The following MOB3B variants were observed in gnomAD, a reference collection of about 807,000 sequenced individuals.
MOB3B encodes MOB kinase activator-like 2B.
A neutral mutation model predicts 18.7 loss-of-function variants in MOB3B; 7 were observed. That is an observed-to-expected ratio of 0.37 (90% confidence interval 0.21 to 0.70). The LOEUF is 0.70. Ranked by LOEUF, MOB3B falls within the 30% of genes least tolerant of loss-of-function variation. MOB3B has a pLI of 0.52. For missense variants in MOB3B, 253 were observed against 281.3 expected (o/e 0.90, Z 0.72); for synonymous variants, 111 against 99.9 (o/e 1.11, Z -0.66).
intron 3 of MOB3B, among the ~76,000 whole-genome samples, chr9:27,357,730 G>T (rs1337517658): frequency 6.6e-6 from 1 of 151,522 alleles, no homozygotes; most frequent in East Asian, 1.9e-4. Context: ...ACAATCATCT[G>T]ATCTGTTAGC....
chr9:27,375,210 T>C (rs369374782), intron 2 of MOB3B, among the ~76,000 whole-genome samples: 1 of 152,258 alleles, frequency 6.6e-6, no homozygotes, highest in South Asian at 2.1e-4. Context: ...TGTCTTTGAG[T>C]ACCTCATACT....
chr9:27,330,299 G>A lies in MOB3B; in HGVS notation c.*288C>T. On this transcript the variant is annotated 3_prime_UTR_variant, in exon 4 of 4. Transcript: ENST00000262244. ...TCACAGGCAGAACTGTGCCATGTGTGGAAGTGCAGAGGCTTCCTCGTGGAC... is the reference window on the plus strand; with the variant it reads ...TCACAGGCAGAACTGTGCCATGTGTAGAAGTGCAGAGGCTTCCTCGTGGAC... 3.0e-6 allele frequency: 1 copy of A among 336,570 alleles called. No homozygotes were observed. The highest frequency in any genetic ancestry group is 5.4e-6 in the Non-Finnish European group (1 of 184,692). The allele number at this position is 336,570 out of a possible 1,614,324, so 20.8% of individuals were successfully genotyped here.
intron 2 of MOB3B, among the ~76,000 whole-genome samples, chr9:27,441,178 G>A (rs1240169990): frequency 6.6e-6 from 1 of 152,100 alleles, no homozygotes; most frequent in Non-Finnish European, 1.5e-5. Context: ...CTTTTCTACC[G>A]TAACTAAGCA....
intron 2 of MOB3B, among the ~76,000 whole-genome samples, chr9:27,388,096 G>A (rs1426351936): frequency 6.6e-6 from 1 of 152,196 alleles, no homozygotes; most frequent in Non-Finnish European, 1.5e-5. Flanking sequence ...GAATTATCCA[G>A]CTCAAACATC....
rs10967902 is a variant in MOB3B at position 27,342,756 on chromosome 9, G to A, written c.622-12140C>T. Among the ~76,000 whole-genome samples the A allele has an allele frequency of 2.5e-3, 379 of 151,962 alleles. 4 individuals are homozygous for A. Among genetic ancestry groups the A allele is most frequent in the East Asian group, 0.011 (54 of 4,892 alleles). ...GTGCCGGGATTGCAGATGGAGTCTC[G>A]CTCACTCAGTGCTCAATGTTGCCCA... is the stretch of plus-strand genomic sequence containing the variant. On this transcript the variant is annotated intron_variant, in intron 3 of 3. Coordinates refer to ENST00000262244, the MANE Select transcript of MOB3B (RefSeq NM_024761.5).
At chr9:27,517,259 G>A (rs2131504560) in intron 1 of MOB3B, among the ~76,000 whole-genome samples, 1 of 152,234 alleles carries the variant, frequency 6.6e-6, no homozygotes. Context: ...TGTATTCTTG[G>A]AATTTGGCAT....
At chr9:27,459,421 A>G (rs1166611365) in intron 1 of MOB3B, among the ~76,000 whole-genome samples, 1 of 152,212 alleles carries the variant, frequency 6.6e-6, no homozygotes, top group Non-Finnish European at 1.5e-5. Flanking sequence ...TTAGAAATGT[A>G]GACTCTCAGG....
intron 2 of MOB3B, among the ~76,000 whole-genome samples, chr9:27,393,124 T>A (rs937939405): frequency 3.9e-5 from 6 of 152,124 alleles, no homozygotes; most frequent in African/African-American, 1.2e-4. Context: ...TTACTGACTA[T>A]CTGAAATAGC....
chr9:27,449,954 G>A (rs1244048104), intron 2 of MOB3B, among the ~76,000 whole-genome samples: 1 of 150,748 alleles, frequency 6.6e-6, no homozygotes, highest in Non-Finnish European at 1.5e-5. Flanking sequence ...CTCCAGCCTG[G>A]GCAACAGAGC....
intron 2 of MOB3B, among the ~76,000 whole-genome samples, chr9:27,362,751 G>C (rs1378616170): frequency 6.6e-6 from 1 of 152,214 alleles, no homozygotes; most frequent in East Asian, 1.9e-4. Context: ...CCAGCTCACA[G>C]AGAGTGGGAA....
rs1274282081 is a variant in MOB3B, at chr9:27,529,698, G to A, written c.-342C>T. 3.9e-5 allele frequency: 38 copies of A among 985,418 alleles called. No homozygotes were observed. Among genetic ancestry groups the A allele is most frequent in the Non-Finnish European group, 1.1e-5 (9 of 829,928 alleles). The allele number at this position is 985,418 out of a possible 1,614,324, so 61.0% of individuals were successfully genotyped here. Reference sequence around the variant, plus strand: ...AAGGGACTCTGCCGCCGGTGCGCGAGGTCCCGGCGAGCCAACCGGCGGACG... The same window carrying A: ...AAGGGACTCTGCCGCCGGTGCGCGAAGTCCCGGCGAGCCAACCGGCGGACG... On this transcript the variant is annotated 5_prime_UTR_variant, in exon 1 of 4. Transcript: ENST00000262244.
At chr9:27,384,502 A>G (rs1821623919) in intron 2 of MOB3B, among the ~76,000 whole-genome samples, 3 of 152,312 alleles carry the variant, frequency 2.0e-5, no homozygotes, top group Admixed American at 2.0e-4. Flanking sequence ...TAATGAAAAA[A>G]ATCTGGCCAT....
intron 2 of MOB3B, among the ~76,000 whole-genome samples, chr9:27,370,448 C>T (rs187461657): frequency 3.5e-5 from 5 of 144,634 alleles, no homozygotes; most frequent in East Asian, 4.1e-4. Context: ...GCAGAGGTTG[C>T]GGTGAGCCAA....
chr9:27,507,085 G>A (rs1820072999), intron 1 of MOB3B, among the ~76,000 whole-genome samples: 1 of 152,138 alleles, frequency 6.6e-6, no homozygotes, highest in Non-Finnish European at 1.5e-5. Flanking sequence ...ACCATTTGCT[G>A]TGTGCCACAT....
chr9:27,331,923 AAG>A (rs1190714333), intron 3 of MOB3B, among the ~76,000 whole-genome samples: 1 of 152,380 alleles, frequency 6.6e-6, no homozygotes, highest in East Asian at 1.9e-4. Context: ...AACAATAGAC[AAG>A]GCAGAATCTA....
At chr9:27,395,928 T>A (rs74557362) in intron 2 of MOB3B, among the ~76,000 whole-genome samples, 132 of 152,314 alleles carry the variant, frequency 8.7e-4, no homozygotes, top group African/African-American at 3.1e-3. Context: ...AGCAAGCAGC[T>A]TGGCATGTAC....
At chr9:27,375,640 A>T (rs965089011) in intron 2 of MOB3B, among the ~76,000 whole-genome samples, 2 of 152,066 alleles carry the variant, frequency 1.3e-5, no homozygotes, top group African/African-American at 4.8e-5. Flanking sequence ...CAAAAGCCCC[A>T]CACTCACCCC....
intron 1 of MOB3B, among the ~76,000 whole-genome samples, chr9:27,476,576 G>A (rs1458239234): frequency 6.6e-6 from 1 of 152,290 alleles, no homozygotes; most frequent in East Asian, 1.9e-4. Flanking sequence ...TTTCAAATAA[G>A]GTCATGTTAA....
At chr9:27,524,811 A>G in intron 1 of MOB3B, 2 of 1,614,134 alleles carry the variant, frequency 1.2e-6, no homozygotes, top group Non-Finnish European at 1.7e-6. Context: ...CCAGCTGAGC[A>G]GCCTGGAACT....
Sources: gnomAD v4.1 joint callset for allele counts (sites outside exome capture counted in the v4.1 genomes callset) on GRCh38, gnomAD v4.1.1 for gene constraint, MANE v1.5 for transcripts, NCBI Gene and HGNC (gene_info 2026-07-23, HGNC 2026-07-21) for gene names.